ELMO1: variants seen among roughly 807,000 people sequenced by gnomAD.
ELMO1 encodes engulfment and cell motility protein 1.
ELMO1 carries 26 observed loss-of-function variants against 98.9 expected under a neutral mutation model. That is an observed-to-expected ratio of 0.26 (90% CI 0.19 to 0.36). The LOEUF is 0.36. Among genes scored for constraint, ELMO1 ranks in the 10% least tolerant of loss-of-function variants. The pLI, the probability that ELMO1 is intolerant of heterozygous loss-of-function variation, is 1.00. For synonymous variants in ELMO1, 346 were observed against 346.0 expected (o/e 1.00, Z 0.00); for missense variants, 627 against 935.2 (o/e 0.67, Z 4.30).
At chr7:36,903,196 C>G (rs1783706409) in intron 16 of ELMO1, among the ~76,000 whole-genome samples, 1 of 152,226 alleles carries the variant, frequency 6.6e-6, no homozygotes, top group Non-Finnish European at 1.5e-5. Context: ...TGCCTTCATT[C>G]CTGCCCTTCC....
At chr7:37,307,758 T>C (rs1798685641) in intron 4 of ELMO1, among the ~76,000 whole-genome samples, 2 of 152,226 alleles carry the variant, frequency 1.3e-5, no homozygotes. Flanking sequence ...TCTCGTTCTA[T>C]GTTTTCCTTG....
chr7:37,237,783 A>G (rs1172582696), intron 7 of ELMO1, among the ~76,000 whole-genome samples: 2 of 152,214 alleles, frequency 1.3e-5, no homozygotes, highest in East Asian at 1.9e-4. Context: ...AAGTCATCCT[A>G]TAGACACACC....
At chr7:37,050,609 AACACAC>A (rs60918785) in intron 15 of ELMO1, among the ~76,000 whole-genome samples, 4,603 of 129,542 alleles carry the variant, frequency 0.036, 108 homozygotes, top group African/African-American at 0.069. Flanking sequence ...AGGTGCTCTG[AACACAC>A]ACACACACAC....
At chr7:36,960,151 TCTCATTGAGTTATTGGGTA>T (rs1490180504) in intron 16 of ELMO1, among the ~76,000 whole-genome samples, 2 of 152,292 alleles carry the variant, frequency 1.3e-5, no homozygotes, top group East Asian at 3.9e-4. Context: ...CATTTCTAAA[TCTCATTGAGTTATTGGGTA>T]CTCACTTTCC....
intron 1 of ELMO1, among the ~76,000 whole-genome samples, chr7:37,432,638 C>T (rs1215006902): frequency 6.6e-6 from 1 of 152,210 alleles, no homozygotes; most frequent in African/African-American, 2.4e-5. Flanking sequence ...ATCAAGGCCA[C>T]GGTGCTCTCA....
chr7:37,198,880 G>T (rs1236416947), intron 13 of ELMO1, among the ~76,000 whole-genome samples: 1 of 152,224 alleles, frequency 6.6e-6, no homozygotes, highest in South Asian at 2.1e-4. Flanking sequence ...GGGGGAAGGA[G>T]GAAGATTCTG....
intron 13 of ELMO1, among the ~76,000 whole-genome samples, chr7:37,154,562 A>G (rs1232312286): frequency 6.6e-6 from 1 of 152,250 alleles, no homozygotes; most frequent in Non-Finnish European, 1.5e-5. Flanking sequence ...AAGAAAGGAT[A>G]TCAGTGATTG....
At chr7:37,438,431 C>CA (rs543852959) in intron 1 of ELMO1, among the ~76,000 whole-genome samples, 25,523 of 122,372 alleles carry the variant, frequency 0.21, 2,647 homozygotes, top group South Asian at 0.33. Flanking sequence ...ACTAAAAATA[C>CA]AAAAAAAAAA....
intron 21 of ELMO1, among the ~76,000 whole-genome samples, chr7:36,859,218 A>G (rs1802424284): frequency 6.6e-6 from 1 of 152,184 alleles, no homozygotes; most frequent in Non-Finnish European, 1.5e-5. Flanking sequence ...AGAAAAAAAC[A>G]CAAATGAGAC....
intron 14 of ELMO1, among the ~76,000 whole-genome samples, chr7:37,125,223 C>T (rs867645887): frequency 0.024 from 3,673 of 151,734 alleles, 150 homozygotes; most frequent in African/African-American, 0.085. Context: ...GACATAGGCA[C>T]GGGCAAGGAC....
intron 13 of ELMO1, among the ~76,000 whole-genome samples, chr7:37,160,507 T>C (rs900987557): frequency 6.6e-6 from 1 of 152,196 alleles, no homozygotes; most frequent in Non-Finnish European, 1.5e-5. Flanking sequence ...GGCACCCTGA[T>C]GTGAAGAAGC....
intron 1 of ELMO1, among the ~76,000 whole-genome samples, chr7:37,356,181 T>A (rs1411575953): frequency 6.6e-6 from 1 of 152,192 alleles, no homozygotes; most frequent in African/African-American, 2.4e-5. Flanking sequence ...ATGTGCCACA[T>A]TTTCTTTATC....
At chr7:37,057,710 T>G (rs1034082475) in intron 15 of ELMO1, among the ~76,000 whole-genome samples, 2 of 152,214 alleles carry the variant, frequency 1.3e-5, no homozygotes, top group African/African-American at 4.8e-5. Flanking sequence ...CACACGCACA[T>G]GCCCACCATG....
intron 4 of ELMO1, among the ~76,000 whole-genome samples, chr7:37,273,689 C>T (rs78262977): frequency 0.054 from 8,201 of 152,160 alleles, 297 homozygotes; most frequent in African/African-American, 0.081. Flanking sequence ...TCACCGTGGT[C>T]GCATGCCCTA....
In ELMO1 at chr7:37,018,272, C is replaced by T. The variant is rs760402872; in HGVS notation, c.1301-4837G>A. On this transcript the variant is annotated intron_variant, in intron 15 of 21. Coordinates refer to ENST00000310758, the MANE Select transcript of ELMO1 (RefSeq NM_014800.11). The stretch of plus-strand genomic sequence containing the variant: ...CTCCCAAGTAGCTGGGATTATAGGC[C>T]TGTGCCACCACACCTGGCTAATTGT... Among the ~76,000 whole-genome samples the T allele has an allele frequency of 1.7e-4, 26 of 149,760 alleles. 1 individual carries two copies. The South Asian group carries it at 3.0e-3, about 17-fold the overall frequency.
At chr7:36,891,837 C>A (rs1805580722) in intron 17 of ELMO1, among the ~76,000 whole-genome samples, 1 of 152,314 alleles carries the variant, frequency 6.6e-6, no homozygotes, top group Middle Eastern at 3.4e-3. Context: ...AAGTTTTACA[C>A]ATTTTGCTTC....
chr7:37,098,612 C>T (rs905309884), intron 14 of ELMO1, among the ~76,000 whole-genome samples: 3 of 152,198 alleles, frequency 2.0e-5, no homozygotes, highest in Non-Finnish European at 4.4e-5. Flanking sequence ...AACATATGCA[C>T]TCAGTCTGCC....
At chr7:37,354,863 A>C (rs1344579428) in intron 1 of ELMO1, among the ~76,000 whole-genome samples, 5 of 152,206 alleles carry the variant, frequency 3.3e-5, no homozygotes, top group Non-Finnish European at 7.3e-5. Context: ...TGATCAAAAA[A>C]CAATATGTGA....
intron 6 of ELMO1, among the ~76,000 whole-genome samples, chr7:37,247,964 T>C (rs1355410947): frequency 6.8e-6 from 1 of 146,990 alleles, no homozygotes; most frequent in East Asian, 2.1e-4. Context: ...TTAAAATAAC[T>C]TTCTGGCCTG....
Sources: gnomAD v4.1 joint callset for allele counts (sites outside exome capture counted in the v4.1 genomes callset) on GRCh38, gnomAD v4.1.1 for gene constraint, MANE v1.5 for transcripts, NCBI Gene and HGNC (gene_info 2026-07-23, HGNC 2026-07-21) for gene names.